SUSD5: variants seen among roughly 807,000 people sequenced by gnomAD.
SUSD5 encodes sushi domain containing 5.
In SUSD5, 33 loss-of-function variants were observed where a neutral mutation model predicts 29.5. The observed-to-expected ratio is 1.12, with a 90% CI of 0.85 to 1.49. The LOEUF is 1.49. SUSD5 is among the 40% of genes most tolerant of loss of function. SUSD5 has a pLI of 0.00. For synonymous variants in SUSD5, 308 were observed against 325.3 expected (o/e 0.95, Z 0.57); for missense variants, 776 against 800.6 (o/e 0.97, Z 0.37).
intron 3 of SUSD5, 46 bp downstream of exon 3, chr3:33,207,762 C>G (rs934443599): frequency 2.2e-6 from 3 of 1,356,474 alleles, no homozygotes; most frequent in East Asian, 2.4e-5. Context: ...ATAGCAATCC[C>G]CAAGAGCACA....
rs189937539 is a variant in SUSD5, at chr3:33,158,622, C to T, written c.599-4589G>A. Reference sequence around the variant, plus strand: ...CCAAATCTGCCCCAACCAATTTGTTCTTAATTAAAGAAAAGAACATATTCT... The same window carrying T: ...CCAAATCTGCCCCAACCAATTTGTTTTTAATTAAAGAAAAGAACATATTCT... On this transcript the variant is annotated intron_variant, in intron 4 of 4. Transcript: ENST00000309558. Among the ~76,000 whole-genome samples the T allele has an allele frequency of 3.1e-3, 475 of 152,248 alleles. 1 individual carries two copies. Among genetic ancestry groups the T allele is most frequent in the Admixed American group, 4.7e-3 (72 of 15,294 alleles).
intron 4 of SUSD5, chr3:33,168,642 GTTTTATT>G (rs2031357314): frequency 1.1e-6 from 1 of 945,416 alleles, no homozygotes. Flanking sequence ...GATATGCCTG[GTTTTATT>G]TTTTATTTTT....
At chr3:33,197,543 T>A (rs1409324253) in intron 3 of SUSD5, among the ~76,000 whole-genome samples, 1 of 150,712 alleles carries the variant, frequency 6.6e-6, no homozygotes, top group East Asian at 1.9e-4. Context: ...TCCAATTGTA[T>A]AACCACCACC....
chr3:33,168,484 T>C (rs2031353264), intron 4 of SUSD5: 1 of 975,824 alleles, frequency 1.0e-6, no homozygotes, highest in Admixed American at 6.2e-5. Flanking sequence ...AACAAAATAA[T>C]ACCTGTAGAA....
At chr3:33,199,000 C>T (rs1343246190) in intron 3 of SUSD5, among the ~76,000 whole-genome samples, 1 of 151,948 alleles carries the variant, frequency 6.6e-6, no homozygotes, top group African/African-American at 2.4e-5. Flanking sequence ...CTCAAGAATA[C>T]CCACGTAAAA....
intron 4 of SUSD5, among the ~76,000 whole-genome samples, chr3:33,164,553 C>A (rs2031264834): frequency 6.6e-6 from 1 of 152,010 alleles, no homozygotes; most frequent in Admixed American, 6.6e-5. Context: ...CATTAAAATT[C>A]TATTTATGAA....
intron 2 of SUSD5, among the ~76,000 whole-genome samples, chr3:33,212,022 C>G (rs2032332484): frequency 6.6e-6 from 1 of 152,076 alleles, no homozygotes; most frequent in South Asian, 2.1e-4. Context: ...GTTCTAAGTT[C>G]TAGTGTTCTA....
intron 3 of SUSD5, among the ~76,000 whole-genome samples, chr3:33,180,189 G>C (rs2031638828): frequency 6.6e-6 from 1 of 152,140 alleles, no homozygotes; most frequent in Non-Finnish European, 1.5e-5. Flanking sequence ...TTCCAGAGAA[G>C]GCATTGTTAT....
At chr3:33,177,772 A>G (rs1479362667) in intron 3 of SUSD5, among the ~76,000 whole-genome samples, 1 of 152,264 alleles carries the variant, frequency 6.6e-6, no homozygotes, top group East Asian at 1.9e-4. Context: ...CAATCCTGCT[A>G]TAATTGCTTT....
At chr3:33,210,585 C>A (rs2032304685) in intron 2 of SUSD5, among the ~76,000 whole-genome samples, 1 of 152,158 alleles carries the variant, frequency 6.6e-6, no homozygotes, top group South Asian at 2.1e-4. Flanking sequence ...AGATATAGGG[C>A]AGATGTGCTA....
At chr3:33,205,277 A>G (rs1261751401) in intron 3 of SUSD5, among the ~76,000 whole-genome samples, 1 of 152,202 alleles carries the variant, frequency 6.6e-6, no homozygotes, top group Non-Finnish European at 1.5e-5. Context: ...ACAATCCAGG[A>G]TCACGAATTG....
intron 2 of SUSD5, among the ~76,000 whole-genome samples, chr3:33,212,534 G>A (rs2032341362): frequency 6.6e-6 from 1 of 152,232 alleles, no homozygotes; most frequent in Non-Finnish European, 1.5e-5. Flanking sequence ...ATGTCTAGGG[G>A]CTGAGCTGGC....
intron 3 of SUSD5, among the ~76,000 whole-genome samples, chr3:33,180,317 T>C (rs906160005): frequency 1.3e-5 from 2 of 152,170 alleles, no homozygotes; most frequent in Admixed American, 1.3e-4. Flanking sequence ...CCTAGGCTAA[T>C]GTGCATGTTT....
chr3:33,207,054 G>A (rs1159301267), intron 3 of SUSD5, among the ~76,000 whole-genome samples: 2 of 152,040 alleles, frequency 1.3e-5, no homozygotes, highest in African/African-American at 2.4e-5. Context: ...GATAACAGAG[G>A]TGTACTTATT....
intron 3 of SUSD5, among the ~76,000 whole-genome samples, chr3:33,203,698 A>C (rs2032162167): frequency 6.6e-6 from 1 of 152,124 alleles, no homozygotes; most frequent in South Asian, 2.1e-4. Context: ...GACGACCTAG[A>C]TACTCTGCCT....
chr3:33,166,952 G>A (rs1434273130), intron 4 of SUSD5, among the ~76,000 whole-genome samples: 9 of 152,176 alleles, frequency 5.9e-5, no homozygotes, highest in African/African-American at 2.2e-4. Flanking sequence ...GCCGAGGCAA[G>A]TGGATCACCT....
chr3:33,152,934 T>C lies in SUSD5; in HGVS notation c.1698A>G (p.Gly566=). ...HPTLESCVGD[G]CPGLSRGPVI... ...CAGGGCCTCTGCTGAGGCCAGGACA[T>C]CCGTCCCCCACACACGACTCCAAGG... Residue 566 remains glycine, a synonymous_variant, in exon 5 of 5, where the codon GGA becomes GGG. Transcript: ENST00000309558. The C allele has an allele frequency of 6.2e-7, 1 of 1,613,958 alleles. No individual in the cohort carries two copies. The highest frequency in any genetic ancestry group is 1.1e-5 in the South Asian group (1 of 91,082).
chr3:33,198,905 A>G (rs2032047002), intron 3 of SUSD5, among the ~76,000 whole-genome samples: 1 of 152,162 alleles, frequency 6.6e-6, no homozygotes, highest in African/African-American at 2.4e-5. Flanking sequence ...CGGGACACTG[A>G]AGTCAGCAGA....
chr3:33,218,775 G>A lies in SUSD5; in HGVS notation c.23C>T (p.Pro8Leu), dbSNP rs1286538795. The change falls in exon 1 of 5, where the codon CCG becomes CTG. Residue 8 changes from proline to leucine, a missense_variant. Transcript: ENST00000309558. ...GAGGCGTCTGTGCCAACGGGCAGGC[G>A]GGCTGGGTCCCTCGGCAGTCATGGT... is the stretch of plus-strand genomic sequence containing the variant. Reference protein sequence around the residue: MTAEGPSPPARWHRRLPG... With the variant: MTAEGPSLPARWHRRLPG... 1.4e-6 allele frequency: 2 copies of A among 1,438,940 alleles called. No homozygotes were observed. Among genetic ancestry groups the A allele is most frequent in the African/African-American group, 1.5e-5 (1 of 67,492 alleles). 89.1% of individuals were successfully genotyped at this position (1,438,940 alleles called of 1,614,324 possible).
Sources: allele counts gnomAD v4.1 joint callset (sites outside exome capture counted in the v4.1 genomes callset), GRCh38; gene constraint gnomAD v4.1.1; transcripts MANE v1.5; gene names NCBI Gene and HGNC (gene_info 2026-07-23, HGNC 2026-07-21).